CCSER2: variants seen among roughly 807,000 people sequenced by gnomAD.
CCSER2 encodes the protein serine-rich coiled-coil domain-containing protein 2.
Under a neutral mutation model 92.3 loss-of-function variants are expected in CCSER2, and 46 were observed. That is an observed-to-expected ratio of 0.50 (90% CI 0.39 to 0.64). The LOEUF (loss-of-function observed/expected upper bound fraction) is 0.64. Among genes scored for constraint, CCSER2 ranks in the 30% least tolerant of loss-of-function variants. The pLI is 0.00. For synonymous variants in CCSER2, 433 were observed against 431.4 expected, an observed-to-expected ratio of 1.00 and a Z score of -0.04; for missense variants, 1,244 against 1,238.9, an observed-to-expected ratio of 1.00 and a Z score of -0.06.
intron 1 of CCSER2, among the ~76,000 whole-genome samples, chr10:84,354,769 C>A (rs891823694): frequency 2.6e-5 from 4 of 151,692 alleles, no homozygotes; most frequent in African/African-American, 2.4e-5. Context: ...CGCGTATGCT[C>A]TCTAGATATG....
At chr10:84,391,208 C>A in intron 3 of CCSER2, 1 of 1,015,050 alleles carries the variant, frequency 9.9e-7, no homozygotes, top group Non-Finnish European at 1.6e-6. Context: ...TACTGTGAAC[C>A]TGTGTAAGAG....
chr10:84,516,844 A>G lies in CCSER2; in HGVS notation c.*2577A>G, dbSNP rs935755621. ...ATCTTTTAGAAGATAGGCTTATCGT[A>G]TATTTATGAAGCATAATATATTAAA... On this transcript the variant is annotated 3_prime_UTR_variant, in exon 10 of 10. Transcript: ENST00000372088. The G allele has an allele frequency of 5.9e-5, 9 of 152,174 alleles. No homozygotes were observed. The highest frequency in any genetic ancestry group is 1.0e-4 in the Non-Finnish European group (7 of 68,024). 9.4% of individuals were successfully genotyped at this position (152,174 alleles called of 1,614,324 possible).
intron 5 of CCSER2, among the ~76,000 whole-genome samples, chr10:84,426,463 G>A (rs550961617): frequency 3.5e-4 from 54 of 152,118 alleles, no homozygotes; most frequent in Non-Finnish European, 6.2e-4. Flanking sequence ...AGCTTTGCAA[G>A]CTTAGATAAT....
In CCSER2 at chr10:84,337,488, A is replaced by T. The variant is rs760830628; in HGVS notation, c.-40+8680A>T. Among the ~76,000 whole-genome samples the T allele has an allele frequency of 9.2e-5, 14 of 152,200 alleles. 1 individual carries two copies. Among genetic ancestry groups the T allele is most frequent in the Non-Finnish European group, 1.8e-4 (12 of 68,028 alleles). On this transcript the variant is annotated intron_variant, in intron 1 of 9. Coordinates refer to ENST00000372088, the MANE Select transcript of CCSER2 (RefSeq NM_001284240.2). Reference sequence around the variant, plus strand: ...GTTTCTGGTTTAGTGGTGGAAGTGAAGACTTGATTGGAGTGGGCTTAAGAG... The same window carrying T: ...GTTTCTGGTTTAGTGGTGGAAGTGATGACTTGATTGGAGTGGGCTTAAGAG...
intron 6 of CCSER2, among the ~76,000 whole-genome samples, chr10:84,442,015 C>CA (rs1844601497): frequency 6.6e-6 from 1 of 152,060 alleles, no homozygotes; most frequent in Admixed American, 6.5e-5. Flanking sequence ...CTCGGCCTCC[C>CA]AAAGTGCTGG....
At chr10:84,330,271 A>G (rs1456371231) in intron 1 of CCSER2, among the ~76,000 whole-genome samples, 1 of 152,180 alleles carries the variant, frequency 6.6e-6, no homozygotes, top group African/African-American at 2.4e-5. Flanking sequence ...TGCCCTCTCT[A>G]TATAAGACTG....
intron 3 of CCSER2, among the ~76,000 whole-genome samples, chr10:84,410,880 G>A (rs1386202575): frequency 2.0e-5 from 3 of 152,192 alleles, no homozygotes; most frequent in East Asian, 3.9e-4. Context: ...TTTCTTCTAG[G>A]GTTTTTATAG....
intron 6 of CCSER2, among the ~76,000 whole-genome samples, chr10:84,449,693 A>G (rs1388570859): frequency 6.6e-6 from 1 of 152,154 alleles, no homozygotes. Flanking sequence ...CGTCTCTAGT[A>G]AAAATACAAA....
intron 1 of CCSER2, among the ~76,000 whole-genome samples, chr10:84,336,994 A>T (rs1213569350): frequency 6.6e-6 from 1 of 152,194 alleles, no homozygotes; most frequent in Non-Finnish European, 1.5e-5. Context: ...TGAGATGGGT[A>T]AGAGCGCAGA....
intron 6 of CCSER2, among the ~76,000 whole-genome samples, chr10:84,457,535 AATT>A (rs1299837833): frequency 1.7e-5 from 2 of 119,290 alleles, no homozygotes; most frequent in African/African-American, 3.3e-5. Flanking sequence ...ATATATGTAT[AATT>A]ATATATAATG....
At chr10:84,339,072 G>C (rs139339456) in intron 1 of CCSER2, among the ~76,000 whole-genome samples, 76 of 151,664 alleles carry the variant, frequency 5.0e-4, no homozygotes, top group African/African-American at 1.7e-3. Context: ...ATCTTCTGTG[G>C]CTCCCTATTC....
At chr10:84,436,304 C>A (rs1257796806) in intron 5 of CCSER2, among the ~76,000 whole-genome samples, 7 of 84,732 alleles carry the variant, frequency 8.3e-5, no homozygotes, top group Non-Finnish European at 1.3e-4. Context: ...CCAGCCTGGG[C>A]GACAGAGCGA....
rs772001315 is a variant in CCSER2 at position 84,470,497 on chromosome 10, TG to T, written c.2235+42del. The stretch of plus-strand genomic sequence containing the variant: ...TATAATGTATAGAGACTTTTCAAAC[TG>T]GGTGAAATGTGTTTTTCATAAAACT... On this transcript the variant is annotated intron_variant, in intron 8 of 9. Transcript: ENST00000372088. The T allele has an allele frequency of 3.2e-5, 43 of 1,332,488 alleles. No homozygotes were observed. The East Asian group carries it at 1.4e-3, about 43-fold the overall frequency. The allele number at this position is 1,332,488 out of a possible 1,614,324, so 82.5% of individuals were successfully genotyped here. A position where few individuals can be genotyped will look rare whatever the true frequency, so the allele number is the denominator to read the frequency against.
chr10:84,414,942 A>G (rs992038654), intron 3 of CCSER2, among the ~76,000 whole-genome samples: 14 of 152,094 alleles, frequency 9.2e-5, no homozygotes, highest in South Asian at 6.2e-4. Context: ...CTATTCTGCT[A>G]TTGATACTGG....
rs1847223622 is a variant in CCSER2, at chr10:84,477,567, T to C, written c.2236-8T>C. ...AAACCAATGTAAAAATTTTGTGTTT[T>C]TGTTTAGGCAACTCAGCATATCTGC... On this transcript the variant is annotated splice_region_variant and splice_polypyrimidine_tract_variant and intron_variant, in intron 8 of 9. Coordinates refer to ENST00000372088, the MANE Select transcript of CCSER2 (RefSeq NM_001284240.2). 2 of 1,586,376 alleles carry C rather than the reference T, an allele frequency of 1.3e-6. No individual in the cohort carries two copies. Among genetic ancestry groups the C allele is most frequent in the African/African-American group, 1.3e-5 (1 of 74,336 alleles).
chr10:84,333,008 T>C (rs972789907), intron 1 of CCSER2, among the ~76,000 whole-genome samples: 9 of 152,196 alleles, frequency 5.9e-5, no homozygotes, highest in African/African-American at 1.7e-4. Context: ...TACATTATTA[T>C]GTTTTCATTC....
In CCSER2 at chr10:84,478,615, T is replaced by C. The variant is rs910486984; in HGVS notation, c.2325+951T>C. Among the ~76,000 whole-genome samples, 11 of 152,274 alleles carry C rather than the reference T, an allele frequency of 7.2e-5. No homozygotes were observed. The South Asian group carries it at 1.2e-3, about 17-fold the overall frequency. ...TAGGAATTAATTTATTCAACAAAAG[T>C]TTGATGATCCCCTTTCATCCCAGAT... On this transcript the variant is annotated intron_variant, in intron 9 of 9. Transcript: ENST00000372088.
intron 1 of CCSER2, among the ~76,000 whole-genome samples, chr10:84,339,708 C>T (rs1255313238): frequency 6.6e-6 from 1 of 152,084 alleles, no homozygotes; most frequent in South Asian, 2.1e-4. Flanking sequence ...CTCCCAACCT[C>T]AGGTGATATG....
chr10:84,413,483 T>A (rs887732271), intron 3 of CCSER2, among the ~76,000 whole-genome samples: 6 of 152,242 alleles, frequency 3.9e-5, no homozygotes, highest in African/African-American at 1.4e-4. Flanking sequence ...TCTCGAGTTC[T>A]AATTTGGTTG....
Sources: allele counts gnomAD v4.1 joint callset (sites outside exome capture counted in the v4.1 genomes callset), GRCh38; gene constraint gnomAD v4.1.1; transcripts MANE v1.5; gene names NCBI Gene and HGNC (gene_info 2026-07-23, HGNC 2026-07-21).